Variants in TMEM217 observed in about 807,000 individuals in gnomAD.
TMEM217 encodes the protein chromosome 6 open reading frame 128.
For synonymous variants in TMEM217, 76 were observed against 88.3 expected, an observed-to-expected ratio of 0.86 and a Z score of 0.78; for missense variants, 204 against 248.8, an observed-to-expected ratio of 0.82 and a Z score of 1.21.
downstream of TMEM217, among the ~76,000 whole-genome samples, chr6:37,216,824 G>T (rs1163995643): frequency 1.3e-5 from 2 of 152,140 alleles, no homozygotes; most frequent in Non-Finnish European, 2.9e-5. Context: ...GGACAGGAGG[G>T]AACTAGCTAG....
intron 1 of TMEM217, among the ~76,000 whole-genome samples, chr6:37,251,446 A>G (rs1765395174): frequency 6.6e-6 from 1 of 152,272 alleles, no homozygotes; most frequent in South Asian, 2.1e-4. Context: ...CAAAATAAAA[A>G]TAACAGGAAA....
chr6:37,220,324 A>G (rs905628094), intron 1 of TMEM217, among the ~76,000 whole-genome samples: 1 of 152,348 alleles, frequency 6.6e-6, no homozygotes. Context: ...ACAGCAATGC[A>G]GGGTAAAGAA....
exon 1 of TMEM217, chr6:37,257,767 T>G (rs903328116): frequency 1.3e-6 from 1 of 787,260 alleles, no homozygotes; most frequent in Non-Finnish European, 2.0e-6. Context: ...GGTGGAGGGG[T>G]GCCCACATCC....
Position 37,236,525 on chromosome 6 carries a change from T to C in TMEM217, c.-11-17484A>G, listed in dbSNP as rs140940656. Among the ~76,000 whole-genome samples, 557 of 152,236 alleles carry C rather than the reference T, an allele frequency of 3.7e-3. 3 individuals are homozygous for C. Among genetic ancestry groups the C allele is most frequent in the African/African-American group, 0.012 (495 of 41,536 alleles). On this transcript the variant is annotated intron_variant, in intron 1 of 1. Transcript: ENST00000357219. Reference sequence around the variant, plus strand: ...AATGCAAGGGAATAATAGGCCATTATAGGGAGGGTATCAAGGTTGAGATCC... The same window carrying C: ...AATGCAAGGGAATAATAGGCCATTACAGGGAGGGTATCAAGGTTGAGATCC...
At chr6:37,212,416 C>A in exon 4 of TMEM217, 1 of 408,820 alleles carries the variant, frequency 2.4e-6, no homozygotes, top group Non-Finnish European at 4.9e-6. Context: ...TGGCATGGTT[C>A]AGTTTAACTT....
downstream of TMEM217, among the ~76,000 whole-genome samples, chr6:37,217,313 C>CA (rs1166019992): frequency 6.6e-6 from 1 of 152,106 alleles, no homozygotes; most frequent in Non-Finnish European, 1.5e-5. Context: ...AAATGTGCTT[C>CA]ATACAGTCTC....
At chr6:37,226,497 C>T (rs1054331637) in intron 1 of TMEM217, among the ~76,000 whole-genome samples, 8 of 151,298 alleles carry the variant, frequency 5.3e-5, no homozygotes, top group Non-Finnish European at 8.8e-5. Context: ...CGGGGTTTCA[C>T]CGTGTTAGCC....
At chr6:37,233,774 C>CTAA (rs1764337923) in intron 1 of TMEM217, among the ~76,000 whole-genome samples, 1 of 152,106 alleles carries the variant, frequency 6.6e-6, no homozygotes. Context: ...CGCTAACTAA[C>CTAA]GAAGTTACTA....
chr6:37,214,881 C>T (rs1461155596), downstream of TMEM217, among the ~76,000 whole-genome samples: 3 of 152,184 alleles, frequency 2.0e-5, no homozygotes, highest in Non-Finnish European at 4.4e-5. Flanking sequence ...ACTGATGCTT[C>T]CCCGTCTGCA....
intron 1 of TMEM217, among the ~76,000 whole-genome samples, chr6:37,235,079 T>C (rs1393013269): frequency 6.6e-6 from 1 of 152,124 alleles, no homozygotes; most frequent in Non-Finnish European, 1.5e-5. Flanking sequence ...AAGCTGGCAA[T>C]GTGGAAGGAC....
At chr6:37,236,628 G>C (rs2113872772) in intron 1 of TMEM217, among the ~76,000 whole-genome samples, 1 of 151,288 alleles carries the variant, frequency 6.6e-6, no homozygotes, top group Admixed American at 6.6e-5. Flanking sequence ...CCAAGTCTCA[G>C]TTTGCTCATC....
chr6:37,219,075 G>A (rs1216492485), intron 1 of TMEM217, 34 bp from the exon 2 acceptor site: 2 of 1,557,760 alleles, frequency 1.3e-6, no homozygotes, highest in South Asian at 1.2e-5. Context: ...GAGAATTCTA[G>A]TTCCTGCCAA....
chr6:37,215,732 A>C (rs893500612), downstream of TMEM217, among the ~76,000 whole-genome samples: 3 of 152,100 alleles, frequency 2.0e-5, no homozygotes, highest in African/African-American at 7.2e-5. Context: ...GGCTTTCTGG[A>C]GTAGGCAATA....
chr6:37,244,791 C>T (rs896940174), intron 1 of TMEM217, among the ~76,000 whole-genome samples: 2 of 152,234 alleles, frequency 1.3e-5, no homozygotes, highest in African/African-American at 4.8e-5. Flanking sequence ...CTGAGCTGAG[C>T]TGATCTCAGC....
In TMEM217 at chr6:37,247,249, T is replaced by C. The variant is rs149172867; in HGVS notation, c.-12+10319A>G. Among the ~76,000 whole-genome samples the C allele has an allele frequency of 3.9e-3, 599 of 152,258 alleles. 3 individuals are homozygous for C. Among genetic ancestry groups the C allele is most frequent in the African/African-American group, 0.014 (574 of 41,532 alleles). The stretch of plus-strand genomic sequence containing the variant: ...AGAGCTACTTATGGTTAATTTTAGT[T>C]TGGATTCTCCAAGAAGCTGACCCTG... On this transcript the variant is annotated intron_variant, in intron 1 of 1. Transcript: ENST00000357219.
At chr6:37,227,549 C>T (rs1482630513) in intron 1 of TMEM217, among the ~76,000 whole-genome samples, 1 of 152,128 alleles carries the variant, frequency 6.6e-6, no homozygotes, top group East Asian at 1.9e-4. Flanking sequence ...CAGATTCAAG[C>T]AATTCTCCTG....
exon 2 of TMEM217, chr6:37,217,851 T>A (rs774945303): frequency 2.9e-5 from 29 of 985,470 alleles, no homozygotes; most frequent in Non-Finnish European, 3.5e-5. Flanking sequence ...ATTGCCCTAC[T>A]GCAATTCAGC....
exon 1 of TMEM217, chr6:37,258,066 C>A: frequency 7.1e-7 from 1 of 1,416,096 alleles, no homozygotes; most frequent in African/African-American, 1.4e-5. Context: ...GCCACAGAGG[C>A]CAGAAGACTG....
chr6:37,233,159 C>A (rs1025032189), intron 1 of TMEM217, among the ~76,000 whole-genome samples: 1 of 152,066 alleles, frequency 6.6e-6, no homozygotes, highest in Admixed American at 6.6e-5. Context: ...CCACCCCCAC[C>A]TACTGTTTCT....
Sources: gnomAD v4.1 joint callset for allele counts (sites outside exome capture counted in the v4.1 genomes callset) on GRCh38, gnomAD v4.1.1 for gene constraint, MANE v1.5 for transcripts, NCBI Gene and HGNC (gene_info 2026-07-23, HGNC 2026-07-21) for gene names.